Variants in HEPHL1 observed in about 807,000 individuals in gnomAD.
The protein encoded by HEPHL1 is ferroxidase HEPHL1.
In HEPHL1, 123 loss-of-function variants were observed where a neutral mutation model predicts 122.0. The ratio of observed to expected loss-of-function variants is 1.01; its 90% confidence interval spans 0.87 to 1.17. The LOEUF (loss-of-function observed/expected upper bound fraction) is 1.17. Among genes scored for constraint, HEPHL1 ranks in the 50% most tolerant of loss-of-function variants. The pLI is 0.00. For synonymous variants in HEPHL1, 527 were observed against 508.9 expected (o/e 1.04, Z -0.48); for missense variants, 1,452 against 1,430.5 (o/e 1.01, Z -0.24).
chr11:94,028,573 G>C (rs1945646165), intron 1 of HEPHL1, among the ~76,000 whole-genome samples: 2 of 152,194 alleles, frequency 1.3e-5, no homozygotes, highest in Admixed American at 1.3e-4. Flanking sequence ...CTTTAAGGCA[G>C]TTGTTAATGT....
intron 12 of HEPHL1, among the ~76,000 whole-genome samples, chr11:94,093,245 A>G (rs1028803556): frequency 1.3e-5 from 2 of 152,112 alleles, no homozygotes; most frequent in African/African-American, 4.8e-5. Flanking sequence ...GCTTAGCAGA[A>G]GATTACAACC....
chr11:94,036,257 C>T (rs1261446519), intron 1 of HEPHL1, among the ~76,000 whole-genome samples: 1 of 152,136 alleles, frequency 6.6e-6, no homozygotes, highest in Admixed American at 6.5e-5. Flanking sequence ...AAATGAGGTA[C>T]AGTTAAAGGC....
intron 2 of HEPHL1, chr11:94,055,757 A>G (rs1945931224): frequency 5.1e-6 from 2 of 393,224 alleles, no homozygotes; most frequent in South Asian, 4.5e-5. Context: ...GTGTTATGTG[A>G]TCAAGAGTAG....
At chr11:94,031,332 ACACAC>A (rs1255608924) in intron 1 of HEPHL1, among the ~76,000 whole-genome samples, 14 of 9,096 alleles carry the variant, frequency 1.5e-3, no homozygotes, top group African/African-American at 3.8e-3. Flanking sequence ...GTGCATTGTT[ACACAC>A]ACACACACAC....
intron 2 of HEPHL1, among the ~76,000 whole-genome samples, chr11:94,056,277 A>G (rs558433310): frequency 1.3e-5 from 2 of 152,134 alleles, no homozygotes; most frequent in South Asian, 4.2e-4. Flanking sequence ...CATATAATAG[A>G]ATTTTGCTTT....
intron 1 of HEPHL1, among the ~76,000 whole-genome samples, chr11:94,040,100 G>A (rs1193724618): frequency 1.4e-5 from 1 of 70,638 alleles, no homozygotes; most frequent in Non-Finnish European, 2.7e-5. Context: ...ACACCTCTAC[G>A]CAAATAAACT....
chr11:94,042,882 A>AAAAAAAAAAAAAAAAAAAAAAAAAAAAC (rs1449884226), intron 1 of HEPHL1, among the ~76,000 whole-genome samples: 1 of 136,836 alleles, frequency 7.3e-6, no homozygotes, highest in African/African-American at 2.8e-5. Flanking sequence ...TAATAAAAAA[A>AAAAAAAAAAAAAAAAAAAAAAAAAAAAC]AAAAAAAAAA....
At chr11:94,050,686 G>GT (rs1456704978) in intron 2 of HEPHL1, among the ~76,000 whole-genome samples, 3 of 151,958 alleles carry the variant, frequency 2.0e-5, no homozygotes, top group African/African-American at 7.3e-5. Flanking sequence ...TACTCTTTTC[G>GT]TTATTCTAAA....
chr11:94,066,085 C>T (rs141875790), intron 4 of HEPHL1, among the ~76,000 whole-genome samples: 86 of 152,304 alleles, frequency 5.6e-4, no homozygotes, highest in African/African-American at 2.0e-3. Flanking sequence ...GTGGTCCCAC[C>T]TACTTGTGAT....
chr11:94,059,994 A>G (rs1945971109), intron 2 of HEPHL1, among the ~76,000 whole-genome samples: 1 of 151,498 alleles, frequency 6.6e-6, no homozygotes, highest in African/African-American at 2.4e-5. Context: ...TCTGTATATA[A>G]ATCTCTCCAT....
intron 1 of HEPHL1, among the ~76,000 whole-genome samples, chr11:94,043,849 A>C (rs1334302862): frequency 6.6e-6 from 1 of 151,932 alleles, no homozygotes; most frequent in Non-Finnish European, 1.5e-5. Flanking sequence ...TCCCTTCCAG[A>C]ATAGGGGCTC....
At chr11:94,095,312 T>C (rs1946302062) in intron 13 of HEPHL1, among the ~76,000 whole-genome samples, 1 of 152,116 alleles carries the variant, frequency 6.6e-6, no homozygotes, top group Non-Finnish European at 1.5e-5. Flanking sequence ...TGTAGATGTG[T>C]GGTATTATTT....
intron 17 of HEPHL1, among the ~76,000 whole-genome samples, chr11:94,108,124 T>A (rs1946422954): frequency 6.6e-6 from 1 of 152,158 alleles, no homozygotes; most frequent in Non-Finnish European, 1.5e-5. Context: ...TGGTATCTCA[T>A]TGTTTTTCAT....
At chr11:94,039,545 C>T (rs1439110442) in intron 1 of HEPHL1, among the ~76,000 whole-genome samples, 1 of 151,366 alleles carries the variant, frequency 6.6e-6, no homozygotes, top group Non-Finnish European at 1.5e-5. Flanking sequence ...TGCAATCAAA[C>T]TACAACTCAG....
In HEPHL1 at chr11:94,069,383, A is replaced by G. The variant is rs1023779800; in HGVS notation, c.1064-991A>G. Among the ~76,000 whole-genome samples the G allele has an allele frequency of 3.9e-4, 59 of 152,262 alleles. 1 individual carries two copies. The highest frequency in any genetic ancestry group is 1.4e-3 in the African/African-American group (58 of 41,558). ...CAATCCTCCCACCTTAGCCTTTCAA[A>G]GTGCTGGGATTATAGGCATGAGCCA... On this transcript the variant is annotated intron_variant, in intron 5 of 19. Coordinates refer to ENST00000315765, the MANE Select transcript of HEPHL1 (RefSeq NM_001098672.2).
intron 1 of HEPHL1, 75 bp from the exon 2 acceptor site, chr11:94,045,598 T>C: frequency 1.5e-6 from 2 of 1,311,478 alleles, no homozygotes; most frequent in Non-Finnish European, 2.1e-6. Context: ...TGCAATACTT[T>C]ATAAACTCCT....
intron 13 of HEPHL1, among the ~76,000 whole-genome samples, chr11:94,095,694 T>G (rs1946305580): frequency 6.6e-6 from 1 of 152,184 alleles, no homozygotes; most frequent in Non-Finnish European, 1.5e-5. Context: ...CCTCTTTTAT[T>G]TTGTTGAGCA....
chr11:94,094,721 G>C (rs1252866593), intron 13 of HEPHL1, among the ~76,000 whole-genome samples: 1 of 152,148 alleles, frequency 6.6e-6, no homozygotes, highest in Non-Finnish European at 1.5e-5. Context: ...TCTCACTGTG[G>C]TTTTGATTTG....
intron 16 of HEPHL1, among the ~76,000 whole-genome samples, 195 bp from the exon 17 acceptor site, chr11:94,105,796 T>A (rs1946403357): frequency 6.6e-6 from 1 of 152,140 alleles, no homozygotes; most frequent in South Asian, 2.1e-4. Context: ...CTGTTCTCGC[T>A]CTCTTTGTAG....
Sources: gnomAD v4.1 joint callset for allele counts (sites outside exome capture counted in the v4.1 genomes callset) on GRCh38, gnomAD v4.1.1 for gene constraint, MANE v1.5 for transcripts, NCBI Gene and HGNC (gene_info 2026-07-23, HGNC 2026-07-21) for gene names.